ADAMTS20: variants seen among roughly 807,000 people sequenced by gnomAD.
ADAMTS20 encodes ADAM metallopeptidase with thrombospondin type 1 motif 20.
A neutral mutation model predicts 260.1 loss-of-function variants in ADAMTS20; 225 were observed. The ratio of observed to expected loss-of-function variants is 0.87; its 90% CI spans 0.78 to 0.97. The LOEUF (loss-of-function observed/expected upper bound fraction) is 0.97, where lower values mean the gene tolerates loss of function less well. Among genes scored for constraint, ADAMTS20 ranks in the 50% least tolerant of loss-of-function variants. The pLI, the probability that ADAMTS20 is intolerant of heterozygous loss-of-function variation, is 0.00. For synonymous variants in ADAMTS20, 802 were observed against 769.5 expected, an observed-to-expected ratio of 1.04 and a Z score of -0.70; for missense variants, 2,400 against 2,337.7, an observed-to-expected ratio of 1.03 and a Z score of -0.55.
At chr12:43,528,608 A>C (rs1056152933) in intron 3 of ADAMTS20, among the ~76,000 whole-genome samples, 4 of 152,036 alleles carry the variant, frequency 2.6e-5, no homozygotes, top group African/African-American at 9.7e-5. Context: ...AGTCACCTGT[A>C]GAAGAATGAA....
chr12:43,434,184 A>G lies in ADAMTS20; in HGVS notation c.2720+61T>C, dbSNP rs1395115833. On this transcript the variant is annotated intron_variant, in intron 19 of 38. Transcript: ENST00000389420. ...TCCATGCTGTGTCAGTCACTGTGTT[A>G]GACATTTTAATCTTAGCTCACTTAT... The G allele has an allele frequency of 2.7e-6, 4 of 1,483,356 alleles. No homozygotes were observed. In the East Asian group the frequency reaches 7.4e-5, roughly 27 times the overall value. The allele number at this position is 1,483,356 out of a possible 1,614,324, so 91.9% of individuals were successfully genotyped here.
intron 3 of ADAMTS20, among the ~76,000 whole-genome samples, chr12:43,516,813 T>C (rs1943005738): frequency 6.6e-6 from 1 of 152,006 alleles, no homozygotes; most frequent in Admixed American, 6.6e-5. Context: ...AATTACAAAC[T>C]AAATTTTTTA....
At chr12:43,360,910 A>T (rs1395437926) in intron 37 of ADAMTS20, among the ~76,000 whole-genome samples, 2 of 152,232 alleles carry the variant, frequency 1.3e-5, no homozygotes, top group Non-Finnish European at 2.9e-5. Context: ...AGACCCACTG[A>T]CATTAGCCGA....
chr12:43,468,242 T>TC (rs1433906132), intron 8 of ADAMTS20, among the ~76,000 whole-genome samples: 1 of 151,742 alleles, frequency 6.6e-6, no homozygotes, highest in East Asian at 1.9e-4. Flanking sequence ...TTTGGGGGAG[T>TC]CCCCCAGAAC....
At chr12:43,449,584 T>C (rs1487118192) in intron 14 of ADAMTS20, among the ~76,000 whole-genome samples, 1 of 151,940 alleles carries the variant, frequency 6.6e-6, no homozygotes, top group Non-Finnish European at 1.5e-5. Flanking sequence ...AAAACCCTGT[T>C]ACACGAGTTT....
At chr12:43,380,096 A>G (rs1184278258) in intron 31 of ADAMTS20, among the ~76,000 whole-genome samples, 1 of 152,182 alleles carries the variant, frequency 6.6e-6, no homozygotes. Context: ...ATACACCATG[A>G]CGAAGTAAGA....
chr12:43,537,263 C>G (rs1219080513), intron 2 of ADAMTS20, among the ~76,000 whole-genome samples: 1 of 151,860 alleles, frequency 6.6e-6, no homozygotes, highest in African/African-American at 2.4e-5. Flanking sequence ...CTATGTTGCC[C>G]AGGCTGGTCC....
At position 43,396,020 on chromosome 12, in the gene ADAMTS20, G is replaced by GA. The variant is rs570142523; in HGVS notation, c.4452+3045dup. Among the ~76,000 whole-genome samples, 70 of 148,214 alleles carry GA rather than the reference G, an allele frequency of 4.7e-4. 1 individual carries two copies. Among genetic ancestry groups the GA allele is most frequent in the East Asian group, 3.0e-3 (15 of 5,080 alleles). ...TATTCCCAAATAGATAAAATTAAAC[G>GA]AAAAAAAAAATCCCCTCGCTTCCAG... On this transcript the variant is annotated intron_variant, in intron 29 of 38. Coordinates refer to ENST00000389420, the MANE Select transcript of ADAMTS20 (RefSeq NM_025003.5).
At chr12:43,485,473 G>T (rs767956413) in intron 7 of ADAMTS20, among the ~76,000 whole-genome samples, 2 of 152,012 alleles carry the variant, frequency 1.3e-5, no homozygotes, top group Non-Finnish European at 2.9e-5. Context: ...ATATTGAACA[G>T]GGAAAAGCTG....
intron 7 of ADAMTS20, among the ~76,000 whole-genome samples, chr12:43,477,967 A>G (rs962544134): frequency 9.2e-5 from 14 of 152,272 alleles, no homozygotes; most frequent in African/African-American, 3.1e-4. Context: ...TTTCAACCCC[A>G]TGGCTTAATA....
chr12:43,396,591 C>G (rs540333613), intron 29 of ADAMTS20, among the ~76,000 whole-genome samples: 2 of 152,218 alleles, frequency 1.3e-5, no homozygotes, highest in South Asian at 4.1e-4. Context: ...GTGAATGCAA[C>G]TAATTTCTAT....
chr12:43,546,395 A>G (rs1943440964), intron 2 of ADAMTS20, among the ~76,000 whole-genome samples: 1 of 152,120 alleles, frequency 6.6e-6, no homozygotes. Context: ...CTCAAATCCC[A>G]CCAAGAAATA....
intron 3 of ADAMTS20, among the ~76,000 whole-genome samples, chr12:43,520,017 C>A (rs1027348202): frequency 3.9e-5 from 6 of 152,120 alleles, no homozygotes; most frequent in African/African-American, 1.2e-4. Flanking sequence ...CAGTTTTGCA[C>A]TATTTCTAGT....
At chr12:43,402,604 T>C (rs1211367867) in intron 28 of ADAMTS20, among the ~76,000 whole-genome samples, 2 of 152,036 alleles carry the variant, frequency 1.3e-5, no homozygotes, top group African/African-American at 4.8e-5. Context: ...AGTGAAATGA[T>C]ACCTTCCTTT....
In ADAMTS20 at chr12:43,383,589, T is replaced by C. The variant is rs779251455; in HGVS notation, c.4766A>G (p.Asn1589Ser). 6.2e-7 allele frequency: 1 copy of C among 1,613,268 alleles called. No homozygotes were observed. Among genetic ancestry groups the C allele is most frequent in the South Asian group, 1.1e-5 (1 of 91,018 alleles). The change falls in exon 31 of 39, where the codon AAT becomes AGT. Residue 1589 changes from asparagine to serine, a missense_variant. Physicochemically the swap from Asn to Ser is conservative, Grantham distance 46 (BLOSUM62 1). Transcript: ENST00000389420. ...TSKNCRNPPCNYIVVTADSSQ... is the reference protein window; with the variant it reads ...TSKNCRNPPCSYIVVTADSSQ... ...TGAGTCTGCTGTTACCACAATGTAA[T>C]TGCAAGGAGGGTTCCTGCAATTCTT...
rs1941469881 is a variant in ADAMTS20 at position 43,432,652 on chromosome 12, T to C, written c.2880A>G (p.Leu960=). ...GDQLKPPTQE[L]CHGNCVFTRW... is the part of the protein sequence containing the mutation. ...TTGTGAAGACACAGTTACCATGGCATAGTTCTTGGGTAGGAGGTTTAAGCT... is the reference window on the plus strand; with the variant it reads ...TTGTGAAGACACAGTTACCATGGCACAGTTCTTGGGTAGGAGGTTTAAGCT... The change falls in exon 20 of 39, where the codon CTA becomes CTG. Residue 960 remains leucine, a synonymous_variant. Transcript: ENST00000389420. The C allele has an allele frequency of 1.2e-6, 2 of 1,613,988 alleles. No homozygotes were observed. The highest frequency in any genetic ancestry group is 8.5e-7 in the Non-Finnish European group (1 of 1,179,866).
intron 3 of ADAMTS20, among the ~76,000 whole-genome samples, chr12:43,527,535 A>T (rs1445185759): frequency 6.6e-6 from 1 of 152,162 alleles, no homozygotes; most frequent in Non-Finnish European, 1.5e-5. Flanking sequence ...ATGGTTTAAC[A>T]TACACAAGTC....
rs1191588318 is a variant in ADAMTS20, at chr12:43,549,419, A to AAT, written c.453+1488_453+1489dup. On this transcript the variant is annotated intron_variant, in intron 2 of 38. Transcript: ENST00000389420. ...ATTCAAAAAGAGGATATTGATCATAAATATATATACCTACTATGTACCCAC... is the reference window on the plus strand; with the variant it reads ...ATTCAAAAAGAGGATATTGATCATAAATATATATATACCTACTATGTACCCAC... Among the ~76,000 whole-genome samples the AAT allele has an allele frequency of 2.6e-5, 4 of 152,160 alleles. No individual in the cohort carries two copies. The East Asian group carries it at 7.7e-4, about 29-fold the overall frequency.
chr12:43,550,019 A>C (rs1943490824), intron 2 of ADAMTS20, among the ~76,000 whole-genome samples: 1 of 152,234 alleles, frequency 6.6e-6, no homozygotes, highest in African/African-American at 2.4e-5. Context: ...AGAATCCTGT[A>C]ACCAAATTCC....
Sources: allele counts gnomAD v4.1 joint callset (sites outside exome capture counted in the v4.1 genomes callset), GRCh38; gene constraint gnomAD v4.1.1; transcripts MANE v1.5; gene names NCBI Gene and HGNC (gene_info 2026-07-23, HGNC 2026-07-21).